Variants in USP34 observed in about 807,000 individuals in gnomAD.
USP34 encodes ubiquitin specific peptidase 34, also known as ubiquitin carboxyl-terminal hydrolase 34.
Under a neutral mutation model 460.3 loss-of-function variants are expected in USP34, and 70 were observed. The ratio of observed to expected loss-of-function variants is 0.15; its 90% CI spans 0.13 to 0.19. USP34 has a LOEUF of 0.19. Ranked by LOEUF, USP34 falls within the 10% of genes least tolerant of loss-of-function variation. USP34 has a pLI of 1.00. For missense variants in USP34, 3,985 were observed against 4,236.2 expected, an observed-to-expected ratio of 0.94 and a Z score of 1.65; for synonymous variants, 1,647 against 1,405.3, an observed-to-expected ratio of 1.17 and a Z score of -3.85.
At chr2:61,397,441 T>TAAAAA (rs35650295) in intron 3 of USP34, among the ~76,000 whole-genome samples, 1 of 131,280 alleles carries the variant, frequency 7.6e-6, no homozygotes, top group East Asian at 2.2e-4. Context: ...AGGCTCCATC[T>TAAAAA]AAAAAAAAAA....
At chr2:61,265,797 T>G in intron 42 of USP34, 187 bp downstream of exon 42, 1 of 691,820 alleles carries the variant, frequency 1.4e-6, no homozygotes, top group Non-Finnish European at 2.1e-6. Flanking sequence ...AAAGCCGAAG[T>G]ATTTAAAATG....
chr2:61,190,931 GT>G (rs1158399114), intron 76 of USP34: 1 of 299,412 alleles, frequency 3.3e-6, no homozygotes, highest in East Asian at 6.7e-5. Context: ...AGAAATGCAG[GT>G]TTATTATCCA....
intron 49 of USP34, among the ~76,000 whole-genome samples, chr2:61,248,058 G>A (rs150907353): frequency 6.6e-6 from 1 of 151,876 alleles, no homozygotes; most frequent in African/African-American, 2.4e-5. Flanking sequence ...CTGGTGGTGC[G>A]TGCCTATGGT....
chr2:61,331,245 A>G (rs1212415411), intron 20 of USP34, 31 bp downstream of exon 20: 2 of 1,550,954 alleles, frequency 1.3e-6, no homozygotes, highest in Non-Finnish European at 8.8e-7. Flanking sequence ...CATCGACACA[A>G]ATGTATTTAA....
chr2:61,287,129 A>C (rs1296064695), intron 34 of USP34, among the ~76,000 whole-genome samples: 2 of 152,178 alleles, frequency 1.3e-5, no homozygotes, highest in Non-Finnish European at 2.9e-5. Flanking sequence ...AATGATTTGG[A>C]ATACTGACAG....
At chr2:61,197,723 G>C (rs1686849099) in intron 75 of USP34, among the ~76,000 whole-genome samples, 1 of 151,714 alleles carries the variant, frequency 6.6e-6, no homozygotes, top group African/African-American at 2.4e-5. Context: ...TCAGCCTCCT[G>C]AGTAGCTGGG....
rs913814386 is a variant in USP34 at position 61,187,762 on chromosome 2, A to G, written c.*340T>C. On this transcript the variant is annotated 3_prime_UTR_variant, in exon 80 of 80. Transcript: ENST00000398571. ...ACAAAACTGGCACAGAGGACACCAT[A>G]TCATACACAGTAAAAATGCTGTAAG... 1.7e-6 allele frequency: 1 copy of G among 582,000 alleles called. No individual in the cohort carries two copies. Among genetic ancestry groups the G allele is most frequent in the Middle Eastern group, 4.3e-4 (1 of 2,330 alleles). The allele number at this position is 582,000 out of a possible 1,614,324, so 36.1% of individuals were successfully genotyped here. A position where few individuals can be genotyped will look rare whatever the true frequency, so the allele number is the denominator to read the frequency against.
intron 34 of USP34, among the ~76,000 whole-genome samples, chr2:61,286,248 C>T (rs554546546): frequency 6.2e-4 from 94 of 152,140 alleles, no homozygotes; most frequent in Non-Finnish European, 4.1e-4. Context: ...TCAGTATTAA[C>T]GCAACAGAAA....
intron 51 of USP34, among the ~76,000 whole-genome samples, chr2:61,243,442 C>T (rs765739523): frequency 2.0e-5 from 3 of 151,874 alleles, no homozygotes; most frequent in East Asian, 3.9e-4. Flanking sequence ...CCACCATGCC[C>T]GGCCTCAAAA....
rs780935720 is a variant in USP34 at position 61,281,229 on chromosome 2, T to A, written c.5012A>T (p.His1671Leu). 57 of 1,613,164 alleles carry A rather than the reference T, an allele frequency of 3.5e-5. No homozygotes were observed. The highest frequency in any genetic ancestry group is 4.5e-5 in the Non-Finnish European group (53 of 1,179,670). ...TLLIPETAVR[H>L]ESCSGLYKLS... ...CTTATAGAGACCACTGCATGATTCA[T>A]GACGAACTGCAGTCTAGATGAAAAA... The change falls in exon 38 of 80, where the codon CAT becomes CTT. Residue 1671 changes from histidine (H) to leucine (L), a missense_variant. His to Leu is a moderately conservative substitution (Grantham distance 99, BLOSUM62 -3). Transcript: ENST00000398571.
rs1689983162 is a variant in USP34, at chr2:61,295,040, A to G, written c.4378-8T>C. The G allele has an allele frequency of 6.2e-7, 1 of 1,609,132 alleles. No homozygotes were observed. Among genetic ancestry groups the G allele is most frequent in the African/African-American group, 1.3e-5 (1 of 74,668 alleles). ...AAGATCACTGTAACTTCCCTATGAG[A>G]AAGGCAAAAAAAGTAAGGCAGAATG... On this transcript the variant is annotated splice_polypyrimidine_tract_variant and splice_region_variant and intron_variant, in intron 31 of 79. Coordinates refer to ENST00000398571, the MANE Select transcript of USP34 (RefSeq NM_014709.4).
chr2:61,463,745 A>C (rs1381729829), intron 1 of USP34, among the ~76,000 whole-genome samples: 1 of 151,900 alleles, frequency 6.6e-6, no homozygotes, highest in Non-Finnish European at 1.5e-5. Flanking sequence ...GAGGCAGGAG[A>C]ATCGCTTGAA....
chr2:61,221,900 TACA>T (rs905250179), intron 65 of USP34: 5 of 234,234 alleles, frequency 2.1e-5, no homozygotes, highest in African/African-American at 4.6e-5. Flanking sequence ...ACTTACGATG[TACA>T]ACGTTTTGAA....
At position 61,254,824 on chromosome 2, in the gene USP34, C is replaced by T. The variant is rs555967651; in HGVS notation, c.6221+1560G>A. The stretch of plus-strand genomic sequence containing the variant: ...AGGGAAAAAATTGTATAATGTTTGG[C>T]ACGCATTAGTAGAACAAGTATAGCA... On this transcript the variant is annotated intron_variant, in intron 48 of 79. Transcript: ENST00000398571. Among the ~76,000 whole-genome samples, 3 of 152,234 alleles carry T rather than the reference C, an allele frequency of 2.0e-5. No homozygotes were observed. The South Asian group carries it at 6.2e-4, about 32-fold the overall frequency.
Position 61,241,349 on chromosome 2 carries a change from CT to C in USP34, c.6777+210del, listed in dbSNP as rs551588374. Among the ~76,000 whole-genome samples, 34 of 152,268 alleles carry C rather than the reference CT, an allele frequency of 2.2e-4. No homozygotes were observed. In the East Asian group the frequency reaches 6.6e-3, roughly 29 times the overall value. On this transcript the variant is annotated intron_variant, in intron 53 of 79. Coordinates refer to ENST00000398571, the MANE Select transcript of USP34 (RefSeq NM_014709.4). ...GAATCACCACACCCAGTCGCCTACT[CT>C]CTTTTAGTGATATTTTCTACTCCAT...
chr2:61,325,399 T>G lies in USP34; in HGVS notation c.2989A>C (p.Thr997Pro). 1 of 1,556,426 alleles carries G rather than the reference T, an allele frequency of 6.4e-7. No individual in the cohort carries two copies. The highest frequency in any genetic ancestry group is 8.6e-7 in the Non-Finnish European group (1 of 1,160,512). ...CTGAAATGATCAGGTGATCCCAGAG[T>G]TGAAAATACACAAGTCAAGAATTGA... ...RLQFLTCVFS[T>P]LGSPDHFRLS... The change falls in exon 21 of 80, where the codon ACT (threonine) becomes CCT (proline). Residue 997 changes from threonine to proline, a missense_variant. This residue lies in a region of USP34 where 1,114 missense variants were observed against 1,122.5 expected (regional missense o/e 0.99). Coordinates refer to ENST00000398571, the MANE Select transcript of USP34 (RefSeq NM_014709.4).
chr2:61,204,678 T>C (rs2103770984), intron 72 of USP34, 77 bp from the exon 73 acceptor site: 1 of 1,150,402 alleles, frequency 8.7e-7, no homozygotes, highest in Non-Finnish European at 1.3e-6. Context: ...TTACAAATCC[T>C]ATGATTGCCT....
chr2:61,255,119 T>C (rs975584131), intron 48 of USP34, among the ~76,000 whole-genome samples: 5 of 152,220 alleles, frequency 3.3e-5, no homozygotes, highest in African/African-American at 9.6e-5. Flanking sequence ...TGGGACCCAC[T>C]GTATGTGTAA....
At chr2:61,304,266 T>C (rs2103651153) in intron 27 of USP34, among the ~76,000 whole-genome samples, 1 of 152,324 alleles carries the variant, frequency 6.6e-6, no homozygotes, top group Non-Finnish European at 1.5e-5. Flanking sequence ...ATATTTGCAA[T>C]ATTAAAACAC....
Sources: gnomAD v4.1 joint callset for allele counts (sites outside exome capture counted in the v4.1 genomes callset) on GRCh38, gnomAD v4.1.1 for gene constraint, gnomAD v4.1.1 regional missense constraint, MANE v1.5 for transcripts, NCBI Gene and HGNC (gene_info 2026-07-23, HGNC 2026-07-21) for gene names.